AGGF1: variants seen among roughly 807,000 people sequenced by gnomAD.
AGGF1 encodes the protein angiogenic factor with G patch and FHA domains 1.
A neutral mutation model predicts 86.5 loss-of-function variants in AGGF1; 56 were observed. The observed-to-expected ratio is 0.65, with a 90% confidence interval of 0.52 to 0.81. The LOEUF (loss-of-function observed/expected upper bound fraction) is 0.81, where lower values mean the gene tolerates loss of function less well. Among genes scored for constraint, AGGF1 ranks in the 30% least tolerant of loss-of-function variants. AGGF1 has a pLI of 0.00. For synonymous variants in AGGF1, 313 were observed against 297.1 expected (o/e 1.05, Z -0.55); for missense variants, 816 against 850.9 (o/e 0.96, Z 0.51).
chr5:77,035,618 G>A lies in AGGF1; in HGVS notation c.391G>A (p.Ala131Thr). The change falls in exon 3 of 14, where the codon GCT (alanine) becomes ACT (threonine). Residue 131 changes from alanine (A) to threonine (T), a missense_variant. Physicochemically the swap from Ala to Thr is moderately conservative, Grantham distance 58. Coordinates refer to ENST00000312916, the MANE Select transcript of AGGF1 (RefSeq NM_018046.5). ...TGAACTGTCAGATCAACAAGATCAAGCTATCGAAACTTCTATTTTGAATTC... is the reference window on the plus strand; with the variant it reads ...TGAACTGTCAGATCAACAAGATCAAACTATCGAAACTTCTATTTTGAATTC... ...VTELSDQQDQ[A>T]IETSILNSKD... 1.2e-6 allele frequency: 2 copies of A among 1,613,560 alleles called. No homozygotes were observed. Among genetic ancestry groups the A allele is most frequent in the Non-Finnish European group, 1.7e-6 (2 of 1,179,658 alleles).
Position 77,046,490 on chromosome 5 carries a change from T to C in AGGF1, c.1014T>C (p.Ser338=). The C allele has an allele frequency of 6.2e-7, 1 of 1,614,074 alleles. No individual in the cohort carries two copies. The highest frequency in any genetic ancestry group is 8.5e-7 in the Non-Finnish European group (1 of 1,179,972). ...NSPPKVTVPT[S]GNTIESPLHE... ...CCCCCAAAGTCACTGTTCCAACTAG[T>C]GGAAATACTATAGAGTCTCCTCTTC... Residue 338 remains serine, a synonymous_variant, in exon 6 of 14, where the codon AGT becomes AGC. Transcript: ENST00000312916.
chr5:77,040,546 G>T (rs901834954), intron 5 of AGGF1, among the ~76,000 whole-genome samples: 1 of 152,054 alleles, frequency 6.6e-6, no homozygotes, highest in Non-Finnish European at 1.5e-5. Context: ...ATTTAAAAAA[G>T]TATTATGTAG....
chr5:77,065,012 A>G lies in AGGF1; in HGVS notation c.*1760A>G, dbSNP rs879544990. 3.3e-5 allele frequency: 5 copies of G among 152,204 alleles called. No individual in the cohort carries two copies. Among genetic ancestry groups the G allele is most frequent in the African/African-American group, 1.2e-4 (5 of 41,450 alleles). The allele number at this position is 152,204 out of a possible 1,614,324, so 9.4% of individuals were successfully genotyped here. A position where few individuals can be genotyped will look rare whatever the true frequency, so the allele number is the denominator to read the frequency against. ...AGATCTAAAGTCTCAGGGTTCCACT[A>G]TTAGTGGTTAAAGTACTGAATAATG... On this transcript the variant is annotated 3_prime_UTR_variant, in exon 14 of 14. Transcript: ENST00000312916.
rs1346819632 is a variant in AGGF1, at chr5:77,046,688, A to G, written c.1201+11A>G. The G allele has an allele frequency of 6.2e-7, 1 of 1,611,844 alleles. No individual in the cohort carries two copies. The highest frequency in any genetic ancestry group is 8.5e-7 in the Non-Finnish European group (1 of 1,178,252). ...ATAGTGAGGATGAAGGTGAGTAAAT[A>G]ATCATTATTTAAGTAAATAGCCCAG... On this transcript the variant is annotated intron_variant, in intron 6 of 13. Transcript: ENST00000312916.
Position 77,059,759 on chromosome 5 carries a change from C to T in AGGF1, c.1844+16C>T, listed in dbSNP as rs752981997. The T allele has an allele frequency of 8.1e-6, 13 of 1,613,020 alleles. No homozygotes were observed. In the Admixed American group the frequency reaches 2.2e-4, roughly 27 times the overall value. Reference sequence around the variant, plus strand: ...CTGTTCATTCGTAAGTTTTGAATTACAGTGGCTCGAAACATCCTTTGTTCA... The same window carrying T: ...CTGTTCATTCGTAAGTTTTGAATTATAGTGGCTCGAAACATCCTTTGTTCA... On this transcript the variant is annotated intron_variant, in intron 12 of 13. Coordinates refer to ENST00000312916, the MANE Select transcript of AGGF1 (RefSeq NM_018046.5).
chr5:77,051,830 A>G (rs548559129), intron 8 of AGGF1, among the ~76,000 whole-genome samples: 12 of 152,212 alleles, frequency 7.9e-5, no homozygotes, highest in Admixed American at 3.3e-4. Flanking sequence ...GGGTGGATAG[A>G]TTGTGGTATA....
chr5:77,061,637 A>G, intron 12 of AGGF1, 66 bp from the exon 13 acceptor site: 2 of 1,475,862 alleles, frequency 1.4e-6, no homozygotes, highest in Non-Finnish European at 1.9e-6. Flanking sequence ...TTAATTCATG[A>G]ATTTATTATA....
At chr5:77,041,568 A>G (rs1747082572) in intron 5 of AGGF1, among the ~76,000 whole-genome samples, 1 of 141,308 alleles carries the variant, frequency 7.1e-6, no homozygotes, top group African/African-American at 2.6e-5. Flanking sequence ...CTCCATCTCA[A>G]AAAAAAAAAA....
chr5:77,057,394 G>A (rs1747480192), intron 11 of AGGF1, among the ~76,000 whole-genome samples: 1 of 152,082 alleles, frequency 6.6e-6, no homozygotes, highest in Non-Finnish European at 1.5e-5. Flanking sequence ...TATCTGTATG[G>A]TGAAAATACT....
In AGGF1 at chr5:77,065,222, G is replaced by A. The variant is rs1742778632; in HGVS notation, c.*1970G>A. 1 of 152,142 alleles carries A rather than the reference G, an allele frequency of 6.6e-6. No homozygotes were observed. The highest frequency in any genetic ancestry group is 6.6e-5 in the Admixed American group (1 of 15,266). 9.4% of individuals were successfully genotyped at this position (152,142 alleles called of 1,614,324 possible). On this transcript the variant is annotated 3_prime_UTR_variant, in exon 14 of 14. Transcript: ENST00000312916. ...TTTGAATTTTGCATAAATTTTTTGT[G>A]TCTAATTTTAAATATTTGTTTAATC...
At chr5:77,032,614 C>G (rs935295295) in intron 1 of AGGF1, among the ~76,000 whole-genome samples, 5 of 149,984 alleles carry the variant, frequency 3.3e-5, no homozygotes, top group African/African-American at 1.2e-4. Flanking sequence ...AATATAACAG[C>G]CTTTTTTACA....
chr5:77,033,413 C>T (rs1746908357), intron 1 of AGGF1, among the ~76,000 whole-genome samples: 1 of 152,056 alleles, frequency 6.6e-6, no homozygotes, highest in African/African-American at 2.4e-5. Context: ...AAGTATAGTG[C>T]CCAGCATGTA....
In AGGF1 at chr5:77,046,355, C is replaced by T. The variant is rs1482483756; in HGVS notation, c.879C>T (p.Asn293=). ...SSATNEEKDL[N]SEDQKAFSVE... is the part of the protein sequence containing the mutation. ...TACCCACCCTTCTCCAGGATTTGAA[C>T]TCAGAGGATCAAAAAGCCTTCAGTG... Residue 293 remains asparagine, a synonymous_variant, in exon 6 of 14, where the codon AAC becomes AAT. Transcript: ENST00000312916. The T allele has an allele frequency of 2.0e-5, 32 of 1,613,328 alleles. No individual in the cohort carries two copies. Among genetic ancestry groups the T allele is most frequent in the Non-Finnish European group, 2.6e-5 (31 of 1,179,790 alleles).
At chr5:77,042,959 C>T (rs868240690) in intron 5 of AGGF1, among the ~76,000 whole-genome samples, 2 of 32,264 alleles carry the variant, frequency 6.2e-5, no homozygotes, top group Admixed American at 2.4e-4. Flanking sequence ...GGCGGGGGGC[C>T]GACCCCCCCA....
At chr5:77,039,825 C>A in intron 5 of AGGF1, 106 bp downstream of exon 5, 3 of 980,888 alleles carry the variant, frequency 3.1e-6, no homozygotes, top group Non-Finnish European at 4.6e-6. Context: ...GCATTTCAAA[C>A]ATACCCATTA....
chr5:77,036,824 A>AC, intron 4 of AGGF1, 104 bp downstream of exon 4: 4 of 1,277,210 alleles, frequency 3.1e-6, no homozygotes, highest in East Asian at 2.4e-5. Flanking sequence ...TGCAACTTTC[A>AC]CCCCCCAGGT....
chr5:77,060,359 T>C (rs1747535791), intron 12 of AGGF1, among the ~76,000 whole-genome samples: 1 of 152,212 alleles, frequency 6.6e-6, no homozygotes, highest in African/African-American at 2.4e-5. Context: ...CCTAGATTGG[T>C]AAGAACTTGG....
chr5:77,043,674 G>C (rs1426133710), intron 5 of AGGF1, among the ~76,000 whole-genome samples: 1 of 143,608 alleles, frequency 7.0e-6, no homozygotes, highest in Non-Finnish European at 1.6e-5. Flanking sequence ...GCCGGGCGGG[G>C]GGCTGATCCC....
In AGGF1 at chr5:77,064,782, A is replaced by G. The variant is rs1012949766; in HGVS notation, c.*1530A>G. ...TGGTGCTGGTGCCCTGTATATATGT[A>G]ACAATATAGGACCCCTCCAAATAGG... On this transcript the variant is annotated 3_prime_UTR_variant, in exon 14 of 14. Coordinates refer to ENST00000312916, the MANE Select transcript of AGGF1 (RefSeq NM_018046.5). 6.6e-5 allele frequency: 10 copies of G among 152,220 alleles called. No homozygotes were observed. The highest frequency in any genetic ancestry group is 2.4e-4 in the African/African-American group (10 of 41,458). The allele number at this position is 152,220 out of a possible 1,614,324, so 9.4% of individuals were successfully genotyped here.
Sources: gnomAD v4.1 joint callset for allele counts (sites outside exome capture counted in the v4.1 genomes callset) on GRCh38, gnomAD v4.1.1 for gene constraint, MANE v1.5 for transcripts, NCBI Gene and HGNC (gene_info 2026-07-23, HGNC 2026-07-21) for gene names.